The following ETV6 variants were observed in gnomAD, a reference collection of about 807,000 sequenced individuals.
The protein encoded by ETV6 is ETS variant transcription factor 6.
A neutral mutation model predicts 51.1 loss-of-function variants in ETV6; 16 were observed. The ratio of observed to expected loss-of-function variants is 0.31; its 90% CI spans 0.21 to 0.48. The LOEUF (loss-of-function observed/expected upper bound fraction) is 0.48, where lower values mean the gene tolerates loss of function less well. Ranked by LOEUF, ETV6 falls within the 20% of genes least tolerant of loss-of-function variation. ETV6 has a pLI of 0.99. For synonymous variants in ETV6, 240 were observed against 224.1 expected, an observed-to-expected ratio of 1.07 and a Z score of -0.64; for missense variants, 458 against 594.8, an observed-to-expected ratio of 0.77 and a Z score of 2.39.
intron 2 of ETV6, among the ~76,000 whole-genome samples, chr12:11,787,328 G>A (rs773376859): frequency 1.3e-5 from 2 of 152,222 alleles, no homozygotes; most frequent in African/African-American, 2.4e-5. Flanking sequence ...ACTGAGTTAC[G>A]CTGTGAGTGT....
intron 2 of ETV6, among the ~76,000 whole-genome samples, chr12:11,833,458 C>A (rs571375570): frequency 0.011 from 1,633 of 152,296 alleles, 24 homozygotes; most frequent in African/African-American, 0.034. Flanking sequence ...TGCTGAACTA[C>A]CGTGAAACTT....
At chr12:11,757,775 G>A (rs1452810319) in intron 2 of ETV6, among the ~76,000 whole-genome samples, 1 of 152,210 alleles carries the variant, frequency 6.6e-6, no homozygotes, top group African/African-American at 2.4e-5. Flanking sequence ...GACTGGGACC[G>A]GTGTGGTTCT....
intron 3 of ETV6, among the ~76,000 whole-genome samples, chr12:11,853,224 T>C (rs1448164021): frequency 6.6e-6 from 1 of 152,250 alleles, no homozygotes; most frequent in East Asian, 1.9e-4. Context: ...CAAAAAAGTT[T>C]GATTTACAAC....
At chr12:11,684,467 G>A (rs1864590109) in intron 1 of ETV6, among the ~76,000 whole-genome samples, 1 of 152,204 alleles carries the variant, frequency 6.6e-6, no homozygotes, top group East Asian at 1.9e-4. Flanking sequence ...TTACATTCAG[G>A]CCTTAAGATT....
chr12:11,774,338 G>A (rs578181026), intron 2 of ETV6, among the ~76,000 whole-genome samples: 130 of 152,316 alleles, frequency 8.5e-4, no homozygotes, highest in African/African-American at 3.0e-3. Context: ...CAGAGATCCT[G>A]TGTGTTAACC....
intron 1 of ETV6, among the ~76,000 whole-genome samples, chr12:11,687,570 C>G (rs7957986): frequency 0.35 from 53,237 of 151,902 alleles, 9,868 homozygotes; most frequent in East Asian, 0.63. Context: ...TATGAGAAAT[C>G]AGTAAATTAA....
intron 1 of ETV6, among the ~76,000 whole-genome samples, chr12:11,742,059 A>G (rs984099839): frequency 3.3e-5 from 5 of 152,232 alleles, no homozygotes; most frequent in Non-Finnish European, 5.9e-5. Context: ...CATATTTTCT[A>G]TGTACTGTTG....
intron 1 of ETV6, among the ~76,000 whole-genome samples, chr12:11,713,219 C>A (rs1229143902): frequency 6.6e-6 from 1 of 152,176 alleles, no homozygotes; most frequent in Non-Finnish European, 1.5e-5. Flanking sequence ...TATTTATCCT[C>A]TAAAATGAGG....
chr12:11,818,766 G>T (rs1344599847), intron 2 of ETV6, among the ~76,000 whole-genome samples: 2 of 151,844 alleles, frequency 1.3e-5, no homozygotes, highest in Non-Finnish European at 2.9e-5. Context: ...AAGCCTTGGG[G>T]TGTCCCTGGT....
At chr12:11,772,206 C>T (rs1945251147) in intron 2 of ETV6, among the ~76,000 whole-genome samples, 1 of 152,170 alleles carries the variant, frequency 6.6e-6, no homozygotes. Context: ...AGCTAGGCAG[C>T]CAACAGAGGG....
rs1034074374 is a variant in ETV6 at position 11,841,945 on chromosome 12, A to G, written c.328+2641A>G. Among the ~76,000 whole-genome samples the G allele has an allele frequency of 5.3e-5, 8 of 151,104 alleles. No individual in the cohort carries two copies. The South Asian group carries it at 1.5e-3, about 28-fold the overall frequency. ...AAAATACAAAAAATTAGCCGGGCGT[A>G]GTGGCGGGCGCCTGTAGTCCCAGCT... On this transcript the variant is annotated intron_variant, in intron 3 of 7. Coordinates refer to ENST00000396373, the MANE Select transcript of ETV6 (RefSeq NM_001987.5).
intron 2 of ETV6, among the ~76,000 whole-genome samples, chr12:11,754,268 A>C (rs750310130): frequency 1.3e-5 from 2 of 152,226 alleles, no homozygotes; most frequent in African/African-American, 2.4e-5. Context: ...TGAACAAAGC[A>C]GAAAAAACTC....
chr12:11,659,422 G>A (rs554547215), intron 1 of ETV6, among the ~76,000 whole-genome samples: 4 of 152,232 alleles, frequency 2.6e-5, no homozygotes, highest in African/African-American at 9.6e-5. Context: ...TAATACTCTT[G>A]AAGCAAGAGT....
Position 11,884,442 on chromosome 12 carries a change from T to C in ETV6, c.1010-3T>C, listed in dbSNP as rs753509351. The stretch of plus-strand genomic sequence containing the variant: ...AGTGTTTTCTTGCCCTTTTCCTCTG[T>C]AGACTGTAGACTGCTTTGGGATTAC... On this transcript the variant is annotated splice_region_variant and splice_polypyrimidine_tract_variant and intron_variant, in intron 5 of 7. Transcript: ENST00000396373. 1 of 1,614,200 alleles carries C rather than the reference T, an allele frequency of 6.2e-7. No individual in the cohort carries two copies. Among genetic ancestry groups the C allele is most frequent in the East Asian group, 2.2e-5 (1 of 44,894 alleles).
At chr12:11,680,206 C>T (rs1017850493) in intron 1 of ETV6, among the ~76,000 whole-genome samples, 6 of 152,240 alleles carry the variant, frequency 3.9e-5, no homozygotes, top group African/African-American at 1.2e-4. Flanking sequence ...AATGGAACTA[C>T]TCTGGCCCCT....
chr12:11,807,522 G>A (rs921002595), intron 2 of ETV6, among the ~76,000 whole-genome samples: 2 of 152,184 alleles, frequency 1.3e-5, no homozygotes, highest in African/African-American at 2.4e-5. Context: ...TTGCAACTGT[G>A]CTGTGAAAAC....
rs1207685095 is a variant in ETV6 at position 11,890,123 on chromosome 12, GA to G, written c.1254-817del. Among the ~76,000 whole-genome samples, 14 of 107,998 alleles carry G rather than the reference GA, an allele frequency of 1.3e-4. No homozygotes were observed. The South Asian group carries it at 1.9e-3, about 14-fold the overall frequency. 70.9% of individuals were successfully genotyped at this position (107,998 alleles called of 152,430 possible). A position where few individuals can be genotyped will look rare whatever the true frequency, so the allele number is the denominator to read the frequency against. ...GTGAATCAGTGATAACATTGTAAAA[GA>G]TTTTTTTTTTTTTTTTTTTGCCCTT... On this transcript the variant is annotated intron_variant, in intron 7 of 7. Coordinates refer to ENST00000396373, the MANE Select transcript of ETV6 (RefSeq NM_001987.5).
chr12:11,797,916 T>C (rs1443661129), intron 2 of ETV6, among the ~76,000 whole-genome samples: 1 of 152,256 alleles, frequency 6.6e-6, no homozygotes, highest in East Asian at 1.9e-4. Context: ...ACTAGATTGC[T>C]AGAATGCTTA....
In ETV6 at chr12:11,891,484, C is replaced by T. The variant is rs1947286410; in HGVS notation, c.*438C>T. The T allele has an allele frequency of 2.0e-6, 1 of 491,442 alleles. No individual in the cohort carries two copies. Among genetic ancestry groups the T allele is most frequent in the Non-Finnish European group, 3.8e-6 (1 of 260,842 alleles). The allele number at this position is 491,442 out of a possible 1,614,324, so 30.4% of individuals were successfully genotyped here. A position where few individuals can be genotyped will look rare whatever the true frequency, so the allele number is the denominator to read the frequency against. On this transcript the variant is annotated 3_prime_UTR_variant, in exon 8 of 8. Coordinates refer to ENST00000396373, the MANE Select transcript of ETV6 (RefSeq NM_001987.5). ...TTATATATATATTTTTTGCAAATCT[C>T]ACAAAGTGCGGCAAGCCCAGCTGGT...
Sources: gnomAD v4.1 joint callset for allele counts (sites outside exome capture counted in the v4.1 genomes callset) on GRCh38, gnomAD v4.1.1 for gene constraint, MANE v1.5 for transcripts, NCBI Gene and HGNC (gene_info 2026-07-23, HGNC 2026-07-21) for gene names.